Variants in SPIDR observed in about 807,000 individuals in gnomAD.
The protein encoded by SPIDR is DNA repair-scaffolding protein.
A neutral mutation model predicts 104.6 loss-of-function variants in SPIDR; 93 were observed. The observed-to-expected ratio is 0.89, with a 90% CI of 0.75 to 1.06. The LOEUF (loss-of-function observed/expected upper bound fraction) is 1.06, where lower values mean the gene tolerates loss of function less well. Ranked by LOEUF, SPIDR falls within the 50% of genes least tolerant of loss-of-function variation. The pLI is 0.00. For synonymous variants in SPIDR, 431 were observed against 416.9 expected, an observed-to-expected ratio of 1.03 and a Z score of -0.41; for missense variants, 1,154 against 1,111.2, an observed-to-expected ratio of 1.04 and a Z score of -0.55.
At chr8:47,552,487 A>T (rs933617063) in intron 8 of SPIDR, among the ~76,000 whole-genome samples, 1 of 152,184 alleles carries the variant, frequency 6.6e-6, no homozygotes, top group Admixed American at 6.5e-5. Flanking sequence ...TAAGATAGTT[A>T]GCTCTTCTTG....
At chr8:47,344,604 A>G (rs1195727974) in intron 5 of SPIDR, among the ~76,000 whole-genome samples, 3 of 152,178 alleles carry the variant, frequency 2.0e-5, no homozygotes, top group Admixed American at 6.6e-5. Flanking sequence ...AAGCATTCCT[A>G]TCTCTCCACA....
intron 11 of SPIDR, among the ~76,000 whole-genome samples, chr8:47,691,045 A>G (rs1251542613): frequency 1.3e-5 from 2 of 152,110 alleles, no homozygotes; most frequent in Non-Finnish European, 2.9e-5. Context: ...TAATCCCAGC[A>G]CTTTTGGAGG....
intron 7 of SPIDR, among the ~76,000 whole-genome samples, chr8:47,433,579 G>A (rs1161625281): frequency 2.0e-5 from 3 of 152,168 alleles, no homozygotes; most frequent in Admixed American, 1.3e-4. Context: ...TGCTGGGGCC[G>A]CCAGAATGAT....
At chr8:47,391,638 T>C (rs1346540675) in intron 5 of SPIDR, among the ~76,000 whole-genome samples, 2 of 152,144 alleles carry the variant, frequency 1.3e-5, no homozygotes, top group East Asian at 3.9e-4. Flanking sequence ...ATTTGTCTTT[T>C]TGGTTGTCTA....
Position 47,701,756 on chromosome 8 carries a change from C to T in SPIDR, c.1809C>T (p.Tyr603=), listed in dbSNP as rs994237789. ...KTHLPPPALC[Y]ILTAHPNLGQ... ...ATCTGCCTCCTCCAGCCTTGTGTTA[C>T]ATCCTCACAGCTCATCCAAATCTGG... Residue 603 remains tyrosine (Y), a synonymous_variant, in exon 13 of 20, where the codon TAC becomes TAT. Coordinates refer to ENST00000297423, the MANE Select transcript of SPIDR (RefSeq NM_001080394.4). 1 of 1,614,054 alleles carries T rather than the reference C, an allele frequency of 6.2e-7. No homozygotes were observed. The highest frequency in any genetic ancestry group is 8.5e-7 in the Non-Finnish European group (1 of 1,180,020).
chr8:47,621,869 G>A (rs1394492928), intron 10 of SPIDR, among the ~76,000 whole-genome samples: 3 of 152,182 alleles, frequency 2.0e-5, no homozygotes, highest in Non-Finnish European at 4.4e-5. Context: ...GGAGGCTGAG[G>A]CGGGAGAATT....
chr8:47,727,638 G>A (rs371491547), intron 17 of SPIDR, among the ~76,000 whole-genome samples: 11 of 152,186 alleles, frequency 7.2e-5, no homozygotes, highest in Admixed American at 6.5e-4. Context: ...AGGTGCAGAC[G>A]TTTACAGAGA....
chr8:47,589,380 G>C (rs969051424), intron 8 of SPIDR, among the ~76,000 whole-genome samples: 27 of 151,786 alleles, frequency 1.8e-4, no homozygotes, highest in African/African-American at 6.5e-4. Flanking sequence ...AAATTTGCCG[G>C]GCATGGTGGC....
intron 2 of SPIDR, among the ~76,000 whole-genome samples, chr8:47,280,815 G>C (rs2037623578): frequency 1.3e-5 from 2 of 152,214 alleles, no homozygotes; most frequent in African/African-American, 2.4e-5. Flanking sequence ...CGGGATTATA[G>C]GTGTGAGCCC....
intron 19 of SPIDR, among the ~76,000 whole-genome samples, chr8:47,731,140 C>G (rs1029852847): frequency 6.6e-6 from 1 of 151,994 alleles, no homozygotes; most frequent in African/African-American, 2.4e-5. Context: ...TCTGTAACCC[C>G]AGCTACTCGG....
chr8:47,280,011 G>A lies in SPIDR; in HGVS notation c.183G>A (p.Gly61=). ...RCGEGFQNTS[G]NPSLTAEEKT... ...GAGAAGGGTTTCAGAACACTTCTGG[G>A]AATCCGGTAAAGTATCTGTAGAATT... is the stretch of plus-strand genomic sequence containing the variant. Residue 61 remains glycine (G), a synonymous_variant, in exon 2 of 20, where the codon GGG becomes GGA. Coordinates refer to ENST00000297423, the MANE Select transcript of SPIDR (RefSeq NM_001080394.4). The A allele has an allele frequency of 6.2e-7, 1 of 1,613,496 alleles. No individual in the cohort carries two copies. Among genetic ancestry groups the A allele is most frequent in the African/African-American group, 1.3e-5 (1 of 75,006 alleles).
chr8:47,451,871 C>T lies in SPIDR; in HGVS notation c.1097+11329C>T, dbSNP rs577564422. On this transcript the variant is annotated intron_variant, in intron 8 of 19. Transcript: ENST00000297423. ...ATGTCTGCCAGCTTTTGTGCCAGCCCCTCAGTGATCAAGCGCAGCAATTAG... is the reference window on the plus strand; with the variant it reads ...ATGTCTGCCAGCTTTTGTGCCAGCCTCTCAGTGATCAAGCGCAGCAATTAG... 2.0e-5 allele frequency among the ~76,000 whole-genome samples: 3 copies of T among 152,104 alleles called. No homozygotes were observed. In the South Asian group the frequency reaches 6.2e-4, roughly 32 times the overall value.
chr8:47,551,412 G>T (rs2090458154), intron 8 of SPIDR, among the ~76,000 whole-genome samples: 1 of 152,034 alleles, frequency 6.6e-6, no homozygotes, highest in Non-Finnish European at 1.5e-5. Flanking sequence ...AACTTTTTTT[G>T]GTTGGTAGAC....
intron 10 of SPIDR, among the ~76,000 whole-genome samples, chr8:47,662,244 G>A (rs1273976402): frequency 2.6e-5 from 4 of 152,334 alleles, no homozygotes; most frequent in African/African-American, 4.8e-5. Context: ...GGGACCAGGC[G>A]TGGAGGGGAG....
At chr8:47,615,172 G>A (rs1024720453) in intron 10 of SPIDR, among the ~76,000 whole-genome samples, 1 of 151,904 alleles carries the variant, frequency 6.6e-6, no homozygotes, top group Non-Finnish European at 1.5e-5. Flanking sequence ...TTGGACTCAG[G>A]CGAGCTTCTC....
At chr8:47,263,538 C>T (rs1304992745) in intron 1 of SPIDR, among the ~76,000 whole-genome samples, 1 of 152,152 alleles carries the variant, frequency 6.6e-6, no homozygotes, top group Non-Finnish European at 1.5e-5. Flanking sequence ...CCAGGATGGT[C>T]TCGATCTCCT....
intron 8 of SPIDR, among the ~76,000 whole-genome samples, chr8:47,496,851 G>T (rs1237420051): frequency 6.8e-6 from 1 of 147,398 alleles, no homozygotes; most frequent in African/African-American, 2.6e-5. Context: ...TTTGTCAGAA[G>T]TTTTAAGTTA....
At chr8:47,511,494 C>A in intron 8 of SPIDR, 1 of 778,652 alleles carries the variant, frequency 1.3e-6, no homozygotes, top group South Asian at 1.4e-5. Context: ...CTGCTGGCAC[C>A]TCCCTTCTGT....
intron 10 of SPIDR, among the ~76,000 whole-genome samples, chr8:47,644,689 C>G (rs1325903113): frequency 2.0e-5 from 3 of 152,140 alleles, no homozygotes; most frequent in Non-Finnish European, 4.4e-5. Flanking sequence ...GCACTTAGAA[C>G]AGGTCCTAGT....
Sources: allele counts gnomAD v4.1 joint callset (sites outside exome capture counted in the v4.1 genomes callset), GRCh38; gene constraint gnomAD v4.1.1; transcripts MANE v1.5; gene names NCBI Gene and HGNC (gene_info 2026-07-23, HGNC 2026-07-21).